The following ADGRD1 variants were observed in gnomAD, a reference collection of about 807,000 sequenced individuals.
ADGRD1 encodes adhesion G protein-coupled receptor D1.
In ADGRD1, 77 loss-of-function variants were observed where a neutral mutation model predicts 113.4. The ratio of observed to expected loss-of-function variants is 0.68; its 90% confidence interval spans 0.57 to 0.82. The LOEUF (loss-of-function observed/expected upper bound fraction) is 0.82, where lower values mean the gene tolerates loss of function less well. ADGRD1 is among the 40% of genes least tolerant of loss of function. The probability of loss-of-function intolerance (pLI) is 0.00; values close to 1 mark genes in which losing one functional copy is unlikely to be tolerated. For synonymous variants in ADGRD1, 474 were observed against 475.0 expected, an observed-to-expected ratio of 1.00 and a Z score of 0.03; for missense variants, 1,036 against 1,139.1, an observed-to-expected ratio of 0.91 and a Z score of 1.30.
rs1951186193 is a variant in ADGRD1, at chr12:131,139,205, T to C, written c.2567T>C (p.Leu856Pro). 1.2e-6 allele frequency: 2 copies of C among 1,612,964 alleles called. No homozygotes were observed. The highest frequency in any genetic ancestry group is 1.7e-6 in the Non-Finnish European group (2 of 1,179,860). ...GTRPGMASTK[L>P]SPWDKSSHSA... ...CGGCCAGGCATGGCCTCCACCAAGC[T>C]CAGCCCTTGGGACAAGAGCAGCCAC... Residue 856 changes from leucine to proline, a missense_variant, in exon 25 of 25, where the codon CTC (leucine) becomes CCC (proline). Physicochemically the swap from Leu to Pro is moderately conservative, Grantham distance 98 (BLOSUM62 -3). Transcript: ENST00000261654.
chr12:131,041,231 T>A lies in ADGRD1; in HGVS notation c.1473+26891T>A, dbSNP rs1169907840. ...GAATGTGGGGAGGCACCCAGAAGGATCCTCCAGGGCCTGGTTCTTGGATGA... is the reference window on the plus strand; with the variant it reads ...GAATGTGGGGAGGCACCCAGAAGGAACCTCCAGGGCCTGGTTCTTGGATGA... On this transcript the variant is annotated intron_variant, in intron 13 of 24. Transcript: ENST00000261654. The surrounding 1 kb of genome is among the most constrained non-coding windows in gnomAD (Gnocchi z 4.4). Among the ~76,000 whole-genome samples, 1 of 152,034 alleles carries A rather than the reference T, an allele frequency of 6.6e-6. No individual in the cohort carries two copies. Among genetic ancestry groups the A allele is most frequent in the East Asian group, 1.9e-4 (1 of 5,194 alleles).
At chr12:131,058,420 A>T (rs1347122030) in intron 13 of ADGRD1, among the ~76,000 whole-genome samples, 1 of 152,210 alleles carries the variant, frequency 6.6e-6, no homozygotes, top group Non-Finnish European at 1.5e-5. Flanking sequence ...TGAGCAAGGT[A>T]CCACCGTACA....
At chr12:131,118,004 C>T (rs201004476) in intron 18 of ADGRD1, among the ~76,000 whole-genome samples, 2 of 152,206 alleles carry the variant, frequency 1.3e-5, no homozygotes, top group East Asian at 3.9e-4. Flanking sequence ...TAAGCCATTG[C>T]CAGTTGTCTC....
chr12:130,993,352 G>C (rs902515665), intron 8 of ADGRD1, among the ~76,000 whole-genome samples: 2 of 150,328 alleles, frequency 1.3e-5, no homozygotes, highest in Non-Finnish European at 3.0e-5. Context: ...GTCCACGTAA[G>C]AGAAGTTAGA....
rs573395993 is a variant in ADGRD1, at chr12:131,104,923, C to T, written c.1764C>T (p.Phe588=). 91 of 1,549,806 alleles carry T rather than the reference C, an allele frequency of 5.9e-5. No individual in the cohort carries two copies. Among genetic ancestry groups the T allele is most frequent in the South Asian group, 3.2e-4 (27 of 83,896 alleles). ...GCCTGGTGGCCACGCTGGTCACCTT[C>T]GCCGTGCTGTCGTGAGTCCCCTTTT... The part of the protein sequence containing the change: ...VLCLVATLVT[F]AVLSSVSTIR... The change falls in exon 16 of 25, where the codon TTC becomes TTT. Residue 588 remains phenylalanine (F), a synonymous_variant. Coordinates refer to ENST00000261654, the MANE Select transcript of ADGRD1 (RefSeq NM_198827.5).
intron 13 of ADGRD1, among the ~76,000 whole-genome samples, chr12:131,052,695 A>G (rs1883514178): frequency 6.6e-6 from 1 of 152,254 alleles, no homozygotes; most frequent in African/African-American, 2.4e-5. Flanking sequence ...GGTTAAATGG[A>G]CAGAAGTGTG....
chr12:130,981,812 A>T, intron 4 of ADGRD1, 72 bp from the exon 5 acceptor site: 1 of 999,692 alleles, frequency 1.0e-6, no homozygotes, highest in Non-Finnish European at 1.5e-6. Context: ...TAAAAAGCAA[A>T]GAGAACCATG....
At chr12:130,983,436 G>A (rs1873261414) in intron 5 of ADGRD1, among the ~76,000 whole-genome samples, 1 of 152,082 alleles carries the variant, frequency 6.6e-6, no homozygotes, top group Non-Finnish European at 1.5e-5. Flanking sequence ...TGACCTTCCT[G>A]TTCCACTTGC....
chr12:131,041,822 C>T lies in ADGRD1; in HGVS notation c.1473+27482C>T, dbSNP rs1290644124. Among the ~76,000 whole-genome samples the T allele has an allele frequency of 2.0e-5, 3 of 152,224 alleles. No individual in the cohort carries two copies. The highest frequency in any genetic ancestry group is 4.8e-5 in the African/African-American group (2 of 41,466). On this transcript the variant is annotated intron_variant, in intron 13 of 24. Coordinates refer to ENST00000261654, the MANE Select transcript of ADGRD1 (RefSeq NM_198827.5). This position sits in a 1 kb window ranked among gnomAD's most constrained non-coding sequence, Gnocchi z 4.4. ...CTCCCTCTTCTGGGGTCTTTGCCCA[C>T]GTCACATTCCCTCCCCACGGTCCTC...
At chr12:131,033,044 TCTC>T (rs1199543554) in intron 13 of ADGRD1, among the ~76,000 whole-genome samples, 2 of 152,150 alleles carry the variant, frequency 1.3e-5, no homozygotes, top group African/African-American at 4.8e-5. Flanking sequence ...TGCAGCTTCC[TCTC>T]CTCCCGAGCT....
At chr12:131,021,789 C>G (rs897340818) in intron 13 of ADGRD1, among the ~76,000 whole-genome samples, 4 of 152,150 alleles carry the variant, frequency 2.6e-5, no homozygotes, top group African/African-American at 9.7e-5. Flanking sequence ...CTCACTGCAG[C>G]CCTGATCGCC....
At chr12:131,083,170 C>CT (rs1886200697) in intron 14 of ADGRD1, among the ~76,000 whole-genome samples, 1 of 152,214 alleles carries the variant, frequency 6.6e-6, no homozygotes, top group African/African-American at 2.4e-5. Flanking sequence ...AAACTAGAGC[C>CT]TTTTAATTTA....
intron 20 of ADGRD1, among the ~76,000 whole-genome samples, chr12:131,122,536 C>T (rs7977815): frequency 0.64 from 96,551 of 151,788 alleles, 31,071 homozygotes; most frequent in Middle Eastern, 0.76. Flanking sequence ...ATTCATTTTG[C>T]CAACCAACAT....
intron 3 of ADGRD1, chr12:130,969,001 T>C (rs948524141): frequency 1.4e-5 from 21 of 1,535,236 alleles, no homozygotes; most frequent in Non-Finnish European, 1.8e-5. Context: ...AAGCTCACTG[T>C]GCTTCCTTCC....
chr12:130,955,156 G>C (rs1047071476), intron 2 of ADGRD1, among the ~76,000 whole-genome samples: 2 of 49,944 alleles, frequency 4.0e-5, no homozygotes, highest in Non-Finnish European at 8.3e-5. Flanking sequence ...GTAGAGACAG[G>C]GTTTCACTAT....
At chr12:131,042,738 G>A (rs1882264659) in intron 13 of ADGRD1, among the ~76,000 whole-genome samples, 1 of 152,236 alleles carries the variant, frequency 6.6e-6, no homozygotes, top group Non-Finnish European at 1.5e-5. Context: ...ACCCCGGCAT[G>A]GCGTCTGCAA....
intron 13 of ADGRD1, 61 bp from the exon 14 acceptor site, chr12:131,076,740 G>A (rs769863875): frequency 1.5e-4 from 210 of 1,432,252 alleles, no homozygotes; most frequent in Non-Finnish European, 2.0e-4. Flanking sequence ...TCACATCAGT[G>A]CTGAGAACCA....
At chr12:131,119,811 C>T (rs1192673935) in intron 19 of ADGRD1, among the ~76,000 whole-genome samples, 2 of 152,228 alleles carry the variant, frequency 1.3e-5, no homozygotes, top group Admixed American at 6.5e-5. Context: ...GGTTTCTCCT[C>T]TCCGTGCTCT....
chr12:130,982,761 TGA>T (rs1491014542), intron 5 of ADGRD1, among the ~76,000 whole-genome samples: 5 of 151,988 alleles, frequency 3.3e-5, no homozygotes, highest in Admixed American at 6.5e-5. Flanking sequence ...AGGTGGGTGT[TGA>T]GACATGGACG....
Sources: allele counts gnomAD v4.1 joint callset (sites outside exome capture counted in the v4.1 genomes callset), GRCh38; gene constraint gnomAD v4.1.1; non-coding constraint Gnocchi (gnomAD v3.1); transcripts MANE v1.5; gene names NCBI Gene and HGNC (gene_info 2026-07-23, HGNC 2026-07-21).